The following DEK variants were observed in gnomAD, a reference collection of about 807,000 sequenced individuals.
DEK encodes protein DEK.
Under a neutral mutation model 46.8 loss-of-function variants are expected in DEK, and 28 were observed. The observed-to-expected ratio is 0.60, with a 90% confidence interval of 0.44 to 0.82. The LOEUF is 0.82. DEK is among the 40% of genes least tolerant of loss of function. The pLI is 0.00. For synonymous variants in DEK, 160 were observed against 144.5 expected (o/e 1.11, Z -0.77); for missense variants, 416 against 430.6 (o/e 0.97, Z 0.30).
At chr6:18,246,098 T>C (rs1002921738) in intron 7 of DEK, among the ~76,000 whole-genome samples, 31 of 152,254 alleles carry the variant, frequency 2.0e-4, no homozygotes, top group Non-Finnish European at 2.9e-5. Context: ...ATGTCTTTAT[T>C]AACAGCGTGA....
chr6:18,242,215 T>C (rs953327488), intron 7 of DEK, among the ~76,000 whole-genome samples: 2 of 152,088 alleles, frequency 1.3e-5, no homozygotes, highest in African/African-American at 4.8e-5. Flanking sequence ...TACAAAAAAT[T>C]AGTCAGGCGT....
At chr6:18,263,499 C>A (rs77648810) in intron 2 of DEK, among the ~76,000 whole-genome samples, 3,440 of 151,968 alleles carry the variant, frequency 0.023, 120 homozygotes, top group African/African-American at 0.078. Context: ...TTAGCAACTT[C>A]AAAGGTGCAC....
In DEK at chr6:18,259,543, C is replaced by T. The variant is rs1791762371; in HGVS notation, c.146-1138G>A. Among the ~76,000 whole-genome samples the T allele has an allele frequency of 3.3e-5, 5 of 150,344 alleles. No homozygotes were observed. In the South Asian group the frequency reaches 1.0e-3, roughly 31 times the overall value. On this transcript the variant is annotated intron_variant, in intron 2 of 10. Transcript: ENST00000652689. ...AAGTCAGATAAAAGAATACTATATA[C>T]TGCTCGAGGTTCTGCCATTTATTTA...
At chr6:18,246,004 G>A (rs1791098929) in intron 7 of DEK, among the ~76,000 whole-genome samples, 3 of 152,094 alleles carry the variant, frequency 2.0e-5, no homozygotes, top group South Asian at 4.1e-4. Flanking sequence ...CTCCTCATTC[G>A]CCTTCCACCA....
At chr6:18,261,145 C>T (rs1791842728) in intron 2 of DEK, among the ~76,000 whole-genome samples, 1 of 152,152 alleles carries the variant, frequency 6.6e-6, no homozygotes, top group South Asian at 2.1e-4. Context: ...GGTAGAGCCA[C>T]AAGCAGCTTG....
rs1186040488 is a variant in DEK at position 18,261,284 on chromosome 6, A to G, written c.145+2559T>C. ...TAAAGACTGCCCTGCTAGGATTCAG[A>G]CTTGTAGGCCGGGCGCAGTGGCTTA... On this transcript the variant is annotated intron_variant, in intron 2 of 10. Coordinates refer to ENST00000652689, the MANE Select transcript of DEK (RefSeq NM_003472.4). Among the ~76,000 whole-genome samples the G allele has an allele frequency of 3.9e-5, 6 of 152,240 alleles. No homozygotes were observed. In the South Asian group the frequency reaches 6.2e-4, roughly 16 times the overall value.
Position 18,224,122 on chromosome 6 carries a change from C to T in DEK, c.*1597G>A, listed in dbSNP as rs1039412620. On this transcript the variant is annotated 3_prime_UTR_variant, in exon 11 of 11. Transcript: ENST00000652689. ...AAAATCCCTTTTCAGAATTATTCCC[C>T]ATAAGGAAATGCTATATACACCTAT... The T allele has an allele frequency of 6.0e-6, 1 of 166,952 alleles. No homozygotes were observed. The highest frequency in any genetic ancestry group is 2.4e-5 in the African/African-American group (1 of 41,914). The allele number at this position is 166,952 out of a possible 1,614,324, so 10.3% of individuals were successfully genotyped here.
In DEK at chr6:18,249,723, A is replaced by G. The variant is rs776207453; in HGVS notation, c.690T>C (p.Ser230=). 16 of 1,613,856 alleles carry G rather than the reference A, an allele frequency of 9.9e-6. No individual in the cohort carries two copies. In the South Asian group the frequency reaches 1.3e-4, roughly 13 times the overall value. ...TKCPEILSDE[S]SSDEDEKKNK... is the part of the protein sequence containing the mutation. ...TTTTCTTTTCATCTTCATCACTACT[A>G]GATTCATCTGACAGAATTTCAGGAC... Residue 230 remains serine, a synonymous_variant, in exon 7 of 11, where the codon TCT becomes TCC. Coordinates refer to ENST00000652689, the MANE Select transcript of DEK (RefSeq NM_003472.4).
At chr6:18,239,801 T>C (rs575117985) in intron 7 of DEK, among the ~76,000 whole-genome samples, 1 of 152,310 alleles carries the variant, frequency 6.6e-6, no homozygotes, top group Non-Finnish European at 1.5e-5. Flanking sequence ...TTAAGGTTCA[T>C]TAAGTGTCCA....
At chr6:18,227,420 CTA>C (rs1198886691) in intron 9 of DEK, among the ~76,000 whole-genome samples, 2 of 152,124 alleles carry the variant, frequency 1.3e-5, no homozygotes, top group African/African-American at 4.8e-5. Flanking sequence ...TTTACCTTGA[CTA>C]TGATGCAGAG....
intron 3 of DEK, 32 bp from the exon 4 acceptor site, chr6:18,258,094 C>T: frequency 7.1e-7 from 1 of 1,401,984 alleles, no homozygotes; most frequent in Non-Finnish European, 9.9e-7. Context: ...AATTAAATAC[C>T]TATGGCTTAC....
At chr6:18,250,786 C>T (rs774242477) in intron 6 of DEK, among the ~76,000 whole-genome samples, 1 of 151,656 alleles carries the variant, frequency 6.6e-6, no homozygotes, top group African/African-American at 2.4e-5. Context: ...TGAGCCACCA[C>T]GCCTGGCCCA....
chr6:18,256,983 G>A (rs986940794), intron 4 of DEK, among the ~76,000 whole-genome samples: 3 of 152,106 alleles, frequency 2.0e-5, no homozygotes, highest in East Asian at 3.8e-4. Flanking sequence ...AATAAATTAT[G>A]TCATGCACCA....
chr6:18,251,920 TA>T (rs954008666), intron 6 of DEK, among the ~76,000 whole-genome samples: 182 of 141,858 alleles, frequency 1.3e-3, no homozygotes, highest in African/African-American at 3.1e-3. Flanking sequence ...AAGCAGCCAA[TA>T]AAAAAAAAAA....
chr6:18,248,297 T>C (rs75371490), intron 7 of DEK, among the ~76,000 whole-genome samples: 4,680 of 152,218 alleles, frequency 0.031, 103 homozygotes, highest in South Asian at 0.055. Flanking sequence ...ATGAAAAAAT[T>C]AGACATTTAT....
chr6:18,259,286 T>C (rs1366966391), intron 2 of DEK, among the ~76,000 whole-genome samples: 2 of 150,636 alleles, frequency 1.3e-5, no homozygotes, highest in East Asian at 3.9e-4. Context: ...TCCCAGCTAC[T>C]TGGGAGGCTG....
At chr6:18,228,166 TTGCCAGTCAGTTTCTACTC>T (rs753417960) in intron 9 of DEK, among the ~76,000 whole-genome samples, 25 of 152,330 alleles carry the variant, frequency 1.6e-4, no homozygotes, top group African/African-American at 2.4e-4. Context: ...AGTTTCAATT[TTGCCAGTCAGTTTCTACTC>T]TGCCAGTCAG....
intron 2 of DEK, among the ~76,000 whole-genome samples, chr6:18,261,355 C>G (rs1234594905): frequency 1.3e-5 from 2 of 152,158 alleles, no homozygotes; most frequent in African/African-American, 4.8e-5. Flanking sequence ...GGCGGATCAC[C>G]TGAGGTCGGG....
At chr6:18,250,298 T>C (rs1425612797) in intron 6 of DEK, among the ~76,000 whole-genome samples, 1 of 151,978 alleles carries the variant, frequency 6.6e-6, no homozygotes, top group Non-Finnish European at 1.5e-5. Context: ...TGAAACCCCG[T>C]CTCTACTAAA....
Sources: gnomAD v4.1 joint callset for allele counts (sites outside exome capture counted in the v4.1 genomes callset) on GRCh38, gnomAD v4.1.1 for gene constraint, MANE v1.5 for transcripts, NCBI Gene and HGNC (gene_info 2026-07-23, HGNC 2026-07-21) for gene names.